The following FER1L5 variants were observed in gnomAD, a reference collection of about 807,000 sequenced individuals.
The protein encoded by FER1L5 is fer-1 like family member 5, also known as fer-1-like protein 5.
A neutral mutation model predicts 279.9 loss-of-function variants in FER1L5; 187 were observed. The observed-to-expected ratio is 0.67, with a 90% confidence interval of 0.59 to 0.75. The LOEUF is 0.75. Ranked by LOEUF, FER1L5 falls within the 30% of genes least tolerant of loss-of-function variation. FER1L5 has a pLI of 0.00. For missense variants in FER1L5, 2,091 were observed against 2,594.4 expected (o/e 0.81, Z 4.21); for synonymous variants, 921 against 989.7 (o/e 0.93, Z 1.30).
Position 96,691,319 on chromosome 2 carries a change from G to T in FER1L5, c.2873G>T (p.Ser958Ile). Residue 958 changes from serine (S) to isoleucine (I), a missense_variant, in exon 28 of 53, where the codon AGC (serine) becomes ATC (isoleucine). Coordinates refer to ENST00000624922, the MANE Select transcript of FER1L5 (RefSeq NM_001293083.2). The surrounding 1 kb of genome is among the most constrained non-coding windows in gnomAD (Gnocchi z 6.0). ...RVRFRNHGEL[S>I]HEQETLSFLQ... Reference sequence around the variant, plus strand: ...CGCTTCAGGAACCATGGGGAGCTGAGCCACGAGCAGGAGACCCTCTCCTTC... The same window carrying T: ...CGCTTCAGGAACCATGGGGAGCTGATCCACGAGCAGGAGACCCTCTCCTTC... 6.4e-7 allele frequency: 1 copy of T among 1,550,400 alleles called. No homozygotes were observed. Among genetic ancestry groups the T allele is most frequent in the Non-Finnish European group, 8.7e-7 (1 of 1,146,732 alleles).
chr2:96,687,231 A>T (rs925972904), intron 23 of FER1L5, among the ~76,000 whole-genome samples: 1 of 152,112 alleles, frequency 6.6e-6, no homozygotes, highest in Admixed American at 6.5e-5. Flanking sequence ...TCTCTGGCCC[A>T]TACTCTCAAC....
chr2:96,696,412 C>A (rs182860566), intron 37 of FER1L5, among the ~76,000 whole-genome samples: 18 of 152,182 alleles, frequency 1.2e-4, no homozygotes, highest in Non-Finnish European at 2.5e-4. Context: ...CCTGCCTCAG[C>A]CTCTTGAGCA....
At chr2:96,671,345 G>A (rs1170980656) in intron 18 of FER1L5, among the ~76,000 whole-genome samples, 8 of 152,140 alleles carry the variant, frequency 5.3e-5, no homozygotes, top group Admixed American at 5.2e-4. Context: ...CTTGCTGGCA[G>A]AGAGCTAGAG....
At chr2:96,687,345 C>T (rs2076969577) in intron 23 of FER1L5, among the ~76,000 whole-genome samples, 1 of 152,240 alleles carries the variant, frequency 6.6e-6, no homozygotes, top group African/African-American at 2.4e-5. Flanking sequence ...CTTCGCATCC[C>T]GCAAGAGCCC....
At position 96,675,555 on chromosome 2, in the gene FER1L5, T is replaced by G. The variant is rs536990502; in HGVS notation, c.1669+2301T>G. ...AATTTTCCTGCCTCAGCCTCCCAAG[T>G]AGCTGGGATTACAGGCGCCTGCCAC... On this transcript the variant is annotated intron_variant, in intron 19 of 52. Transcript: ENST00000624922. 1.2e-3 allele frequency among the ~76,000 whole-genome samples: 176 copies of G among 152,304 alleles called. 1 individual carries two copies. The highest frequency in any genetic ancestry group is 4.0e-3 in the African/African-American group (168 of 41,570).
intron 9 of FER1L5, among the ~76,000 whole-genome samples, chr2:96,659,365 C>T (rs2075786402): frequency 7.3e-5 from 1 of 13,694 alleles, no homozygotes; most frequent in Non-Finnish European, 1.1e-4. Context: ...TTCCTTCCTT[C>T]TTTCTTTCTT....
intron 6 of FER1L5, 75 bp downstream of exon 6, chr2:96,650,364 C>T: frequency 8.0e-7 from 1 of 1,254,936 alleles, no homozygotes; most frequent in South Asian, 1.3e-5. Flanking sequence ...GGCCACCTCA[C>T]CCCTCCCCAA....
intron 5 of FER1L5, 92 bp downstream of exon 5, chr2:96,649,769 C>A: frequency 3.2e-6 from 4 of 1,250,682 alleles, no homozygotes; most frequent in South Asian, 1.3e-5. Context: ...CAAAACCCAG[C>A]CCTTGAGGCC....
intron 4 of FER1L5, among the ~76,000 whole-genome samples, chr2:96,649,105 C>T (rs1427450473): frequency 3.3e-5 from 5 of 152,090 alleles, no homozygotes; most frequent in Non-Finnish European, 5.9e-5. Context: ...GGTCAAGGGC[C>T]TTGTGGTCCA....
chr2:96,658,262 C>T (rs1053694173), intron 9 of FER1L5, among the ~76,000 whole-genome samples: 1 of 151,784 alleles, frequency 6.6e-6, no homozygotes, highest in Non-Finnish European at 1.5e-5. Context: ...GTGAGCGGCC[C>T]ACCTTGGCCT....
chr2:96,651,233 CTTTCTCTTTCTTTCTT>C (rs2075349211), intron 6 of FER1L5, among the ~76,000 whole-genome samples: 1 of 150,010 alleles, frequency 6.7e-6, no homozygotes, highest in African/African-American at 2.5e-5. Flanking sequence ...TTCTTTCTTT[CTTTCTCTTTCTTTCTT>C]TCTTTCTTTC....
chr2:96,645,261 C>T (rs2075067635), intron 1 of FER1L5, among the ~76,000 whole-genome samples: 1 of 152,192 alleles, frequency 6.6e-6, no homozygotes, highest in South Asian at 2.1e-4. Context: ...GCTGGTCACA[C>T]AGCTCTCCTG....
chr2:96,662,341 G>C (rs1400658194), intron 13 of FER1L5, 74 bp downstream of exon 13: 13 of 1,383,148 alleles, frequency 9.4e-6, no homozygotes, highest in Non-Finnish European at 7.0e-6. Flanking sequence ...AGGGTGGCCT[G>C]GTGGGCAAGA....
chr2:96,677,159 C>A (rs905817915), intron 19 of FER1L5, among the ~76,000 whole-genome samples: 4 of 152,202 alleles, frequency 2.6e-5, no homozygotes, highest in African/African-American at 9.7e-5. Flanking sequence ...GTTATACATT[C>A]TGGAATTGGC....
rs376789647 is a variant in FER1L5 at position 96,704,352 on chromosome 2, A to G, written c.5939A>G (p.Tyr1980Cys). 6.2e-7 allele frequency: 1 copy of G among 1,613,886 alleles called. No individual in the cohort carries two copies. The highest frequency in any genetic ancestry group is 1.3e-5 in the African/African-American group (1 of 75,006). Residue 1980 changes from tyrosine (Y) to cysteine (C), a missense_variant, in exon 52 of 53, where the codon TAT becomes TGT. Physicochemically the swap from Tyr to Cys is radical, Grantham distance 194. Transcript: ENST00000624922. ...IIALMLFNFIYSAPHYLAMSW... is the reference protein window; with the variant it reads ...IIALMLFNFICSAPHYLAMSW... ...GCACTTATGCTGTTTAACTTCATCT[A>G]TTCAGCTCCGGTGAGTGGCAGCCAT...
chr2:96,680,474 T>A (rs2076678180), intron 19 of FER1L5, among the ~76,000 whole-genome samples: 1 of 152,064 alleles, frequency 6.6e-6, no homozygotes, highest in African/African-American at 2.4e-5. Flanking sequence ...CTCTTCCATA[T>A]TTTTCATCTT....
intron 19 of FER1L5, among the ~76,000 whole-genome samples, chr2:96,682,376 G>C (rs1404154889): frequency 1.3e-5 from 2 of 152,256 alleles, no homozygotes; most frequent in African/African-American, 4.8e-5. Context: ...ACAGGCGTGA[G>C]CCACCGCACC....
chr2:96,676,035 A>G lies in FER1L5; in HGVS notation c.1669+2781A>G, dbSNP rs561552063. 2.2e-4 allele frequency among the ~76,000 whole-genome samples: 34 copies of G among 151,876 alleles called. No individual in the cohort carries two copies. The East Asian group carries it at 6.0e-3, about 27-fold the overall frequency. On this transcript the variant is annotated intron_variant, in intron 19 of 52. Coordinates refer to ENST00000624922, the MANE Select transcript of FER1L5 (RefSeq NM_001293083.2). ...TTCATTCTACAAGCTTTATCGTTTTATCTTTTTTGTTTGGGTTTATGATCC... is the reference window on the plus strand; with the variant it reads ...TTCATTCTACAAGCTTTATCGTTTTGTCTTTTTTGTTTGGGTTTATGATCC...
At chr2:96,681,622 T>C (rs1446909033) in intron 19 of FER1L5, among the ~76,000 whole-genome samples, 1 of 152,118 alleles carries the variant, frequency 6.6e-6, no homozygotes, top group East Asian at 1.9e-4. Context: ...GTGGTTTCTT[T>C]TGCTCACTGT....
Sources: gnomAD v4.1 joint callset for allele counts (sites outside exome capture counted in the v4.1 genomes callset) on GRCh38, gnomAD v4.1.1 for gene constraint, Gnocchi (gnomAD v3.1) non-coding constraint, MANE v1.5 for transcripts, NCBI Gene and HGNC (gene_info 2026-07-23, HGNC 2026-07-21) for gene names.